COL3A1: variants seen among roughly 807,000 people sequenced by gnomAD.
COL3A1 encodes collagen alpha-1(III) chain.
A neutral mutation model predicts 200.9 loss-of-function variants in COL3A1; 46 were observed. That is an observed-to-expected ratio of 0.23 (90% CI 0.18 to 0.29). COL3A1 has a LOEUF of 0.29. Ranked by LOEUF, COL3A1 falls within the 10% of genes least tolerant of loss-of-function variation. COL3A1 has a pLI of 1.00. For synonymous variants in COL3A1, 650 were observed against 628.0 expected (o/e 1.03, Z -0.52); for missense variants, 1,367 against 1,917.6 (o/e 0.71, Z 5.36).
At position 189,002,949 on chromosome 2, in the gene COL3A1, A is replaced by G. The variant is rs1471819310; in HGVS notation, c.2446-6A>G. On this transcript the variant is annotated splice_polypyrimidine_tract_variant and splice_region_variant and intron_variant, in intron 35 of 50. Coordinates refer to ENST00000304636, the MANE Select transcript of COL3A1 (RefSeq NM_000090.4). ...GCTGAGAGATTGCTGTTGTTGTTGC[A>G]TGTAGGGACAGAATGGTGAACCTGG... 9 of 1,546,164 alleles carry G rather than the reference A, an allele frequency of 5.8e-6. No individual in the cohort carries two copies. Among genetic ancestry groups the G allele is most frequent in the African/African-American group, 4.1e-5 (3 of 72,930 alleles).
intron 1 of COL3A1, among the ~76,000 whole-genome samples, chr2:188,976,661 C>G (rs1687824483): frequency 6.6e-6 from 1 of 152,230 alleles, no homozygotes; most frequent in East Asian, 1.9e-4. Context: ...CGGCACAGCT[C>G]TAATGAACAC....
At chr2:189,006,074 T>C in intron 41 of COL3A1, 132 bp from the exon 42 acceptor site, 1 of 841,796 alleles carries the variant, frequency 1.2e-6, no homozygotes, top group South Asian at 1.4e-5. Flanking sequence ...CTTTGTAATA[T>C]CTAAGATTTC....
chr2:188,999,182 C>T, intron 29 of COL3A1, 103 bp from the exon 30 acceptor site: 3 of 1,086,784 alleles, frequency 2.8e-6, no homozygotes, highest in South Asian at 1.3e-5. Context: ...AGATTGTTCA[C>T]AATATAATAA....
At chr2:188,977,483 G>C (rs1369403465) in intron 1 of COL3A1, among the ~76,000 whole-genome samples, 1 of 151,988 alleles carries the variant, frequency 6.6e-6, no homozygotes, top group Admixed American at 6.6e-5. Flanking sequence ...CAAGTTTTCT[G>C]GTTTGTGTTT....
intron 25 of COL3A1, 30 bp downstream of exon 25, chr2:188,997,248 C>T (rs916472022): frequency 6.2e-7 from 1 of 1,613,730 alleles, no homozygotes; most frequent in African/African-American, 1.3e-5. Context: ...TTATTTCTAG[C>T]CTTCTAATAG....
In COL3A1 at chr2:189,008,077, A is replaced by G. The variant is rs1216486396; in HGVS notation, c.3460A>G (p.Ser1154Gly). The G allele has an allele frequency of 6.2e-7, 1 of 1,614,080 alleles. No homozygotes were observed. Among genetic ancestry groups the G allele is most frequent in the East Asian group, 2.2e-5 (1 of 44,874 alleles). ...TGGACCTCCTGGCAAAGATGGAACCAGTGGACATCCAGGTCCCATTGGACC... is the reference window on the plus strand; with the variant it reads ...TGGACCTCCTGGCAAAGATGGAACCGGTGGACATCCAGGTCCCATTGGACC... ...PSGPPGKDGTSGHPGPIGPPG... is the reference protein window; with the variant it reads ...PSGPPGKDGTGGHPGPIGPPG... Residue 1154 changes from serine to glycine, a missense_variant, in exon 47 of 51, where the codon AGT (serine) becomes GGT (glycine). Transcript: ENST00000304636.
intron 14 of COL3A1, 70 bp downstream of exon 14, chr2:188,992,298 T>C (rs1688206021): frequency 7.5e-7 from 1 of 1,335,384 alleles, no homozygotes; most frequent in African/African-American, 1.5e-5. Context: ...TATTTAATAT[T>C]TTATATATGT....
chr2:189,009,858 A>G (rs141553273), intron 48 of COL3A1, among the ~76,000 whole-genome samples: 2,425 of 152,338 alleles, frequency 0.016, 47 homozygotes, highest in Middle Eastern at 0.034. Flanking sequence ...AGCTTATATT[A>G]TTAAGCAAGA....
At position 189,001,463 on chromosome 2, in the gene COL3A1, A is replaced by G. The variant is rs774786064; in HGVS notation, c.2337+13A>G. On this transcript the variant is annotated intron_variant, in intron 33 of 50. Coordinates refer to ENST00000304636, the MANE Select transcript of COL3A1 (RefSeq NM_000090.4). ...GCCTGGAGATAAGGTAACCCTTAAT[A>G]CTACCTGGATATAAAAAGAAAATGT... The G allele has an allele frequency of 1.2e-6, 2 of 1,613,976 alleles. No individual in the cohort carries two copies. Among genetic ancestry groups the G allele is most frequent in the Admixed American group, 1.7e-5 (1 of 60,002 alleles).
At chr2:188,975,451 C>T (rs986961105) in intron 1 of COL3A1, among the ~76,000 whole-genome samples, 4 of 151,980 alleles carry the variant, frequency 2.6e-5, no homozygotes, top group Admixed American at 6.5e-5. Context: ...TTTTATTTAC[C>T]ATAGTCATGA....
chr2:188,977,009 T>C (rs1687834307), intron 1 of COL3A1, among the ~76,000 whole-genome samples: 1 of 152,156 alleles, frequency 6.6e-6, no homozygotes, highest in African/African-American at 2.4e-5. Context: ...GAAATTAGTA[T>C]GTTACGGATA....
rs1416692877 is a variant in COL3A1 at position 188,994,958 on chromosome 2, C to G, written c.1456-88C>G. 6.4e-7 allele frequency: 1 copy of G among 1,550,984 alleles called. No homozygotes were observed. The highest frequency in any genetic ancestry group is 1.4e-5 in the African/African-American group (1 of 73,582). On this transcript the variant is annotated intron_variant, in intron 20 of 50. Coordinates refer to ENST00000304636, the MANE Select transcript of COL3A1 (RefSeq NM_000090.4). The surrounding 1 kb of genome is among the most constrained non-coding windows in gnomAD (Gnocchi z 4.5). ...CAGTGAAAATATTGTTTAAAGCATT[C>G]TATGACATAAAAATATTTGCCACTC...
intron 11 of COL3A1, among the ~76,000 whole-genome samples, 188 bp downstream of exon 11, chr2:188,991,245 G>C (rs1688182471): frequency 6.6e-6 from 1 of 152,080 alleles, no homozygotes. Flanking sequence ...AACTTGAAGA[G>C]TCTAGATTAG....
At position 188,991,024 on chromosome 2, in the gene COL3A1, A is replaced by G. The variant is rs761106446; in HGVS notation, c.819A>G (p.Gly273=). The change falls in exon 11 of 51, where the codon GGA becomes GGG. Residue 273 remains glycine (G), a synonymous_variant. Transcript: ENST00000304636. ...CCTAGGGCTTCGATGGACGAAATGG[A>G]GAAAAGGGTGAAACAGGTGCTCCTG... is the stretch of plus-strand genomic sequence containing the variant. ...KGHRGFDGRN[G]EKGETGAPGL... 5 of 1,613,206 alleles carry G rather than the reference A, an allele frequency of 3.1e-6. No homozygotes were observed. The highest frequency in any genetic ancestry group is 1.3e-5 in the African/African-American group (1 of 74,898).
rs1287497682 is a variant in COL3A1, at chr2:188,988,154, G to A, written c.582+20G>A. On this transcript the variant is annotated intron_variant, in intron 6 of 50. Transcript: ENST00000304636. ...TCCCCTGTAAGTATAGCCATTGGTG[G>A]TGTTTTCTTCCTCATTTTTAGAAAA... The A allele has an allele frequency of 8.1e-6, 13 of 1,604,566 alleles. No homozygotes were observed. The highest frequency in any genetic ancestry group is 1.3e-5 in the African/African-American group (1 of 74,702).
chr2:189,012,717 C>T lies in COL3A1; in HGVS notation c.*943C>T, dbSNP rs957947523. 4.6e-5 allele frequency: 7 copies of T among 152,400 alleles called. No homozygotes were observed. Among genetic ancestry groups the T allele is most frequent in the African/African-American group, 1.7e-4 (7 of 41,400 alleles). 9.4% of individuals were successfully genotyped at this position (152,400 alleles called of 1,614,324 possible). A position where few individuals can be genotyped will look rare whatever the true frequency, so the allele number is the denominator to read the frequency against. Reference sequence around the variant, plus strand: ...TGTTGATCTTTTTTTTCCTTACAGACACCCATAATAAAATATCATATTAAA... The same window carrying T: ...TGTTGATCTTTTTTTTCCTTACAGATACCCATAATAAAATATCATATTAAA... On this transcript the variant is annotated 3_prime_UTR_variant, in exon 51 of 51. Transcript: ENST00000304636.
intron 46 of COL3A1, 25 bp downstream of exon 46, chr2:189,007,963 A>G: frequency 6.2e-7 from 1 of 1,614,154 alleles, no homozygotes; most frequent in Non-Finnish European, 8.5e-7. Flanking sequence ...AAGATATTAC[A>G]GGTCCACATG....
chr2:188,989,857 A>G (rs1354920246), intron 8 of COL3A1, among the ~76,000 whole-genome samples: 1 of 152,100 alleles, frequency 6.6e-6, no homozygotes. Context: ...AATTCTTTTC[A>G]CTGGCTTATG....
intron 50 of COL3A1, among the ~76,000 whole-genome samples, 156 bp downstream of exon 50, chr2:189,011,046 G>A (rs1378363985): frequency 6.6e-6 from 1 of 152,020 alleles, no homozygotes; most frequent in African/African-American, 2.4e-5. Context: ...TTCATTGCAG[G>A]GAATGTTAAA....
Sources: allele counts gnomAD v4.1 joint callset (sites outside exome capture counted in the v4.1 genomes callset), GRCh38; gene constraint gnomAD v4.1.1; non-coding constraint Gnocchi (gnomAD v3.1); transcripts MANE v1.5; gene names NCBI Gene and HGNC (gene_info 2026-07-23, HGNC 2026-07-21).